The following CSMD1 variants were observed in gnomAD, a reference collection of about 807,000 sequenced individuals.
CSMD1 encodes the protein CUB and Sushi multiple domains 1.
A neutral mutation model predicts 417.5 loss-of-function variants in CSMD1; 213 were observed. That is an observed-to-expected ratio of 0.51 (90% CI 0.46 to 0.57). The LOEUF is 0.57. Among genes scored for constraint, CSMD1 ranks in the 20% least tolerant of loss-of-function variants. The pLI is 0.00. For synonymous variants in CSMD1, 2,862 were observed against 1,736.8 expected (o/e 1.65, Z -16.11); for missense variants, 6,923 against 4,529.7 (o/e 1.53, Z -15.17).
At chr8:4,872,497 G>T (rs1197659828) in intron 1 of CSMD1, among the ~76,000 whole-genome samples, 1 of 152,010 alleles carries the variant, frequency 6.6e-6, no homozygotes, top group Non-Finnish European at 1.5e-5. Flanking sequence ...TTCTGAAGAA[G>T]GCACCTGGTT....
intron 18 of CSMD1, among the ~76,000 whole-genome samples, chr8:3,386,479 C>T (rs1170882148): frequency 6.6e-6 from 1 of 152,208 alleles, no homozygotes; most frequent in Non-Finnish European, 1.5e-5. Context: ...GTGCCAGTTA[C>T]TGTGTGGGTT....
chr8:3,187,359 C>A (rs1796123265), intron 36 of CSMD1, among the ~76,000 whole-genome samples: 1 of 152,120 alleles, frequency 6.6e-6, no homozygotes. Flanking sequence ...GCAGACTCGT[C>A]AAGGCGGGTG....
intron 34 of CSMD1, among the ~76,000 whole-genome samples, chr8:3,189,706 A>C (rs1021435404): frequency 1.3e-5 from 2 of 152,132 alleles, no homozygotes; most frequent in African/African-American, 2.4e-5. Flanking sequence ...AACATGCTTT[A>C]TCCTTGTTAA....
rs183243050 is a variant in CSMD1, at chr8:3,473,537, T to A, written c.1449-4713A>T. ...TGGCTTGCTAACACTGAGATATTAT[T>A]TCTTTAAAACAAAGAAGCAAGCAAT... On this transcript the variant is annotated intron_variant, in intron 11 of 69. Coordinates refer to ENST00000635120, the MANE Select transcript of CSMD1 (RefSeq NM_033225.6). Among the ~76,000 whole-genome samples the A allele has an allele frequency of 8.7e-4, 133 of 152,316 alleles. 1 individual carries two copies. In the South Asian group the frequency reaches 0.016, roughly 18 times the overall value.
intron 25 of CSMD1, among the ~76,000 whole-genome samples, chr8:3,304,477 A>G (rs1804659284): frequency 6.6e-6 from 1 of 152,124 alleles, no homozygotes; most frequent in Non-Finnish European, 1.5e-5. Context: ...TTATTCATGA[A>G]GAGTGGTTCA....
intron 3 of CSMD1, among the ~76,000 whole-genome samples, chr8:4,286,418 A>C (rs1585160599): frequency 6.6e-6 from 1 of 152,176 alleles, no homozygotes; most frequent in East Asian, 1.9e-4. Flanking sequence ...TGAGACAGAG[A>C]AAAATCATGG....
intron 1 of CSMD1, among the ~76,000 whole-genome samples, chr8:4,928,981 G>A (rs567376776): frequency 1.3e-4 from 20 of 152,248 alleles, no homozygotes; most frequent in Admixed American, 2.0e-4. Flanking sequence ...TGAAGCATAA[G>A]AGTCACTTGA....
chr8:2,992,933 A>C (rs1037948527), intron 54 of CSMD1, among the ~76,000 whole-genome samples: 1 of 150,996 alleles, frequency 6.6e-6, no homozygotes, highest in Non-Finnish European at 1.5e-5. Context: ...GAGTTTTACT[A>C]TGCTGCCCAG....
intron 5 of CSMD1, among the ~76,000 whole-genome samples, chr8:3,791,161 C>T (rs1262948493): frequency 6.6e-6 from 1 of 152,178 alleles, no homozygotes; most frequent in African/African-American, 2.4e-5. Flanking sequence ...TAGGTTATTA[C>T]TTATATTTTA....
chr8:4,458,943 T>C (rs1385254942), intron 2 of CSMD1, among the ~76,000 whole-genome samples: 1 of 152,178 alleles, frequency 6.6e-6, no homozygotes, highest in African/African-American at 2.4e-5. Flanking sequence ...GCATTAAGCT[T>C]GTAAACCAAC....
chr8:3,396,249 C>G lies in CSMD1; in HGVS notation c.2538G>C (p.Leu846=), dbSNP rs1229446270. The change falls in exon 17 of 70, where the codon CTG becomes CTC. Residue 846 remains leucine, a synonymous_variant. Transcript: ENST00000635120. The part of the protein sequence containing the change: ...FLISTGNFMY[L]LFTTDNSRSS... ...AGCGGCTGTTGTCAGTGGTGAACAG[C>G]AGGTACATGAAGTTCCCGGTGCTGA... The G allele has an allele frequency of 1.9e-6, 3 of 1,579,940 alleles. No homozygotes were observed. Among genetic ancestry groups the G allele is most frequent in the Non-Finnish European group, 8.6e-7 (1 of 1,162,756 alleles).
At chr8:3,776,807 G>GATATATATATATACATATATATAT (rs1554432747) in intron 5 of CSMD1, among the ~76,000 whole-genome samples, 7 of 139,938 alleles carry the variant, frequency 5.0e-5, no homozygotes, top group African/African-American at 2.0e-4. Context: ...ATATAGACGA[G>GATATATATATATACATATATATAT]ATATATATAT....
At position 3,764,417 on chromosome 8, in the gene CSMD1, G is replaced by C. The variant is rs150759183; in HGVS notation, c.819-10375C>G. Among the ~76,000 whole-genome samples the C allele has an allele frequency of 2.4e-3, 358 of 152,204 alleles. 2 individuals carry two copies. The highest frequency in any genetic ancestry group is 3.8e-3 in the Non-Finnish European group (261 of 68,014). On this transcript the variant is annotated intron_variant, in intron 5 of 69. Coordinates refer to ENST00000635120, the MANE Select transcript of CSMD1 (RefSeq NM_033225.6). ...ACATAATCAAACATATATAAACAACGTATGAGTGTGAGACACCTTACTGGG... is the reference window on the plus strand; with the variant it reads ...ACATAATCAAACATATATAAACAACCTATGAGTGTGAGACACCTTACTGGG...
At position 3,399,516 on chromosome 8, in the gene CSMD1, T is replaced by G. The variant is rs544402145; in HGVS notation, c.2280A>C (p.Gly760=). ...TVPRCEAPCG[G]HLTASSGVIL... is the part of the protein sequence containing the mutation. ...TGACTCCGCTGGACGCTGTCAGATG[T>G]CCACCACATGGAGCTAAAACAAGAC... The change falls in exon 16 of 70, where the codon GGA becomes GGC. Residue 760 remains glycine (G), a synonymous_variant. Coordinates refer to ENST00000635120, the MANE Select transcript of CSMD1 (RefSeq NM_033225.6). 1.9e-6 allele frequency: 3 copies of G among 1,596,912 alleles called. No homozygotes were observed. Among genetic ancestry groups the G allele is most frequent in the Non-Finnish European group, 2.6e-6 (3 of 1,172,818 alleles).
intron 7 of CSMD1, among the ~76,000 whole-genome samples, chr8:3,692,697 T>C (rs1800319117): frequency 6.6e-6 from 1 of 152,128 alleles, no homozygotes; most frequent in South Asian, 2.1e-4. Flanking sequence ...CCTCCAGAAG[T>C]GCTGGGATTA....
intron 3 of CSMD1, among the ~76,000 whole-genome samples, chr8:4,406,512 G>A: frequency 6.6e-6 from 1 of 152,132 alleles, no homozygotes; most frequent in South Asian, 2.1e-4. Context: ...TTGACTAGTT[G>A]ATATTACTTT....
In CSMD1 at chr8:3,995,746, T is replaced by A. The variant is rs141994562; in HGVS notation, c.818+2157A>T. 4.5e-4 allele frequency among the ~76,000 whole-genome samples: 69 copies of A among 152,270 alleles called. No homozygotes were observed. The East Asian group carries it at 0.013, about 29-fold the overall frequency. The stretch of plus-strand genomic sequence containing the variant: ...TTTGCGCCAAGCAAATAGGACAATA[T>A]AAGTCATCCCAAGAATACAAGTATA... On this transcript the variant is annotated intron_variant, in intron 5 of 69. Coordinates refer to ENST00000635120, the MANE Select transcript of CSMD1 (RefSeq NM_033225.6).
At chr8:4,835,194 G>C (rs1391616151) in intron 1 of CSMD1, among the ~76,000 whole-genome samples, 2 of 151,860 alleles carry the variant, frequency 1.3e-5, no homozygotes, top group East Asian at 1.9e-4. Flanking sequence ...ACAATCAAGA[G>C]GTATTTATTT....
At chr8:3,381,086 C>T (rs1301051952) in intron 18 of CSMD1, among the ~76,000 whole-genome samples, 1 of 152,054 alleles carries the variant, frequency 6.6e-6, no homozygotes, top group African/African-American at 2.4e-5. Context: ...TATCAGTTTT[C>T]ATTACCAGAT....
Sources: allele counts gnomAD v4.1 joint callset (sites outside exome capture counted in the v4.1 genomes callset), GRCh38; gene constraint gnomAD v4.1.1; transcripts MANE v1.5; gene names NCBI Gene and HGNC (gene_info 2026-07-23, HGNC 2026-07-21).